The following FBXO34 variants were observed in gnomAD, a reference collection of about 807,000 sequenced individuals.
FBXO34 encodes the protein F-box only protein 34.
A neutral mutation model predicts 24.5 loss-of-function variants in FBXO34; 12 were observed. The ratio of observed to expected loss-of-function variants is 0.49; its 90% CI spans 0.31 to 0.79. FBXO34 has a LOEUF of 0.79. Among genes scored for constraint, FBXO34 ranks in the 30% least tolerant of loss-of-function variants. FBXO34 has a pLI of 0.04. For synonymous variants in FBXO34, 320 were observed against 311.9 expected (o/e 1.03, Z -0.27); for missense variants, 823 against 857.7 (o/e 0.96, Z 0.51).
intron 1 of FBXO34, among the ~76,000 whole-genome samples, chr14:55,309,164 A>AAAAG (rs1882650879): frequency 6.6e-6 from 1 of 152,232 alleles, no homozygotes; most frequent in Non-Finnish European, 1.5e-5. Context: ...TTTGCTTCAA[A>AAAAG]AAAGTATTAT....
At chr14:55,307,677 T>G (rs887600562) in intron 1 of FBXO34, among the ~76,000 whole-genome samples, 13 of 152,248 alleles carry the variant, frequency 8.5e-5, no homozygotes, top group Non-Finnish European at 1.6e-4. Flanking sequence ...TACTTGATTC[T>G]GATTTAAAAT....
intron 1 of FBXO34, among the ~76,000 whole-genome samples, chr14:55,288,818 A>G (rs1881847764): frequency 6.6e-6 from 1 of 152,228 alleles, no homozygotes; most frequent in Non-Finnish European, 1.5e-5. Flanking sequence ...TGGGAGGCTC[A>G]GGTGGGCGGA....
intron 1 of FBXO34, among the ~76,000 whole-genome samples, chr14:55,330,988 A>T (rs1053228423): frequency 3.9e-5 from 6 of 152,200 alleles, no homozygotes; most frequent in Admixed American, 3.9e-4. Context: ...TGCTCAGTAT[A>T]TATTGAGTGA....
chr14:55,313,268 G>C (rs902729250), intron 1 of FBXO34, among the ~76,000 whole-genome samples: 1 of 152,098 alleles, frequency 6.6e-6, no homozygotes, highest in Non-Finnish European at 1.5e-5. Flanking sequence ...CTTTATTCCA[G>C]TTCTCAATAA....
chr14:55,314,721 T>C (rs896758046), intron 1 of FBXO34, among the ~76,000 whole-genome samples: 1 of 152,192 alleles, frequency 6.6e-6, no homozygotes, highest in African/African-American at 2.4e-5. Context: ...GTTGGAAAAA[T>C]TTAATCTGAA....
chr14:55,371,828 G>A (rs1040918273), downstream of FBXO34, among the ~76,000 whole-genome samples: 4 of 151,900 alleles, frequency 2.6e-5, no homozygotes, highest in Admixed American at 1.3e-4. Flanking sequence ...AAAACAAAGA[G>A]CCCCTCAGAC....
intron 1 of FBXO34, chr14:55,299,250 T>C: frequency 1.2e-6 from 1 of 817,978 alleles, no homozygotes; most frequent in Non-Finnish European, 2.2e-6. Flanking sequence ...ATGAAGGATT[T>C]GGAGAACTGG....
intron 1 of FBXO34, among the ~76,000 whole-genome samples, chr14:55,324,470 GTTCT>G (rs1345675553): frequency 7.3e-5 from 11 of 150,798 alleles, no homozygotes; most frequent in Non-Finnish European, 3.0e-5. Flanking sequence ...TCGTGTGGCA[GTTCT>G]TTAAGTTTTT....
chr14:55,272,384 A>G (rs769585607), intron 1 of FBXO34: 1 of 152,218 alleles, frequency 6.6e-6, no homozygotes, highest in Non-Finnish European at 1.5e-5. Context: ...TTGATTTAGA[A>G]AAACTTAAGT....
the FBXO34 span, chr14:55,433,740 A>G: frequency 6.2e-7 from 1 of 1,611,030 alleles, no homozygotes; most frequent in Middle Eastern, 1.7e-4. Context: ...AGAAACCAAA[A>G]GAGAATTAGC....
the FBXO34 span, among the ~76,000 whole-genome samples, chr14:55,425,591 G>T: frequency 6.6e-6 from 1 of 152,152 alleles, no homozygotes; most frequent in Non-Finnish European, 1.5e-5. Context: ...AGTGGTTTTG[G>T]TTAGGGATGG....
chr14:55,389,303 G>A, the FBXO34 span, among the ~76,000 whole-genome samples: 1 of 151,888 alleles, frequency 6.6e-6, no homozygotes, highest in Non-Finnish European at 1.5e-5. Context: ...AAGACGGGGA[G>A]AGCATGAACT....
intron 1 of FBXO34, among the ~76,000 whole-genome samples, chr14:55,289,746 C>T (rs1319765321): frequency 1.3e-5 from 2 of 151,994 alleles, no homozygotes; most frequent in South Asian, 4.1e-4. Context: ...CAGAGTCTTA[C>T]TTTGTTGCCC....
the FBXO34 span, among the ~76,000 whole-genome samples, chr14:55,405,213 G>A: frequency 5.9e-5 from 9 of 152,032 alleles, no homozygotes; most frequent in Non-Finnish European, 1.2e-4. Flanking sequence ...AGATTTTTAC[G>A]GGCCACAGTG....
At chr14:55,308,746 A>G (rs1404361896) in intron 1 of FBXO34, among the ~76,000 whole-genome samples, 1 of 152,204 alleles carries the variant, frequency 6.6e-6, no homozygotes, top group Non-Finnish European at 1.5e-5. Flanking sequence ...CATCTTTAAA[A>G]TGAGGAGTTT....
chr14:55,423,343 C>T, the FBXO34 span, among the ~76,000 whole-genome samples: 1 of 152,162 alleles, frequency 6.6e-6, no homozygotes, highest in Non-Finnish European at 1.5e-5. Context: ...AACAATTGGG[C>T]GATTTGTTCT....
chr14:55,362,960 T>C (rs1417968267), downstream of FBXO34, among the ~76,000 whole-genome samples: 1 of 151,266 alleles, frequency 6.6e-6, no homozygotes, highest in Non-Finnish European at 1.5e-5. Context: ...GAAGGTGAGG[T>C]CAGGAACAAT....
the FBXO34 span, among the ~76,000 whole-genome samples, chr14:55,415,385 T>C: frequency 1.3e-5 from 2 of 152,230 alleles, no homozygotes; most frequent in Non-Finnish European, 2.9e-5. Flanking sequence ...GCTCAGCTAC[T>C]GTGGAAACTA....
chr14:55,425,888 A>G, the FBXO34 span, among the ~76,000 whole-genome samples: 1 of 152,218 alleles, frequency 6.6e-6, no homozygotes, highest in Non-Finnish European at 1.5e-5. Context: ...ATTGCTTGCC[A>G]TTATCATCCT....
Sources: allele counts gnomAD v4.1 joint callset (sites outside exome capture counted in the v4.1 genomes callset), GRCh38; gene constraint gnomAD v4.1.1; transcripts MANE v1.5; gene names NCBI Gene and HGNC (gene_info 2026-07-23, HGNC 2026-07-21).